The following DRC8 variants were observed in gnomAD, a reference collection of about 807,000 sequenced individuals.
DRC8 encodes dynein regulatory complex protein 8.
the DRC8 span, among the ~76,000 whole-genome samples, chr1:244,999,135 G>A: frequency 6.7e-6 from 1 of 150,124 alleles, no homozygotes; most frequent in Admixed American, 6.7e-5. Flanking sequence ...AGAAAAAGGA[G>A]GAAGTGGAGG....
At chr1:245,072,571 G>T in the DRC8 span, among the ~76,000 whole-genome samples, 1 of 152,198 alleles carries the variant, frequency 6.6e-6, no homozygotes, top group Non-Finnish European at 1.5e-5. Flanking sequence ...ACTACTCTGT[G>T]TGATACTATC....
At chr1:245,118,239 A>T in the DRC8 span, among the ~76,000 whole-genome samples, 8 of 152,156 alleles carry the variant, frequency 5.3e-5, no homozygotes, top group Non-Finnish European at 1.2e-4. Flanking sequence ...GCATTTTGAG[A>T]TTGAAATCGC....
At chr1:245,017,217 T>A in the DRC8 span, 1 of 1,579,064 alleles carries the variant, frequency 6.3e-7, no homozygotes, top group African/African-American at 1.4e-5. Context: ...AGTAAACTAA[T>A]TTTTATTTAC....
the DRC8 span, among the ~76,000 whole-genome samples, chr1:245,079,048 C>G: frequency 6.6e-6 from 1 of 152,104 alleles, no homozygotes; most frequent in Non-Finnish European, 1.5e-5. Context: ...ATATCTAAAA[C>G]TATTCTAAAA....
At chr1:245,123,111 T>A in the DRC8 span, 1 of 152,226 alleles carries the variant, frequency 6.6e-6, no homozygotes, top group African/African-American at 2.4e-5. The surrounding 1 kb of genome is among the most constrained non-coding windows in gnomAD (Gnocchi z 5.0). Flanking sequence ...AAAGCCTCAC[T>A]TTTTATTTGA....
At chr1:244,985,105 A>G in the DRC8 span, among the ~76,000 whole-genome samples, 1 of 123,252 alleles carries the variant, frequency 8.1e-6, no homozygotes. Context: ...TTTTCTGATT[A>G]CATGTGTGGT....
At chr1:245,029,537 A>C in the DRC8 span, among the ~76,000 whole-genome samples, 1 of 151,648 alleles carries the variant, frequency 6.6e-6, no homozygotes, top group African/African-American at 2.4e-5. Context: ...ACCTCAGGTC[A>C]TCTGCCCATC....
chr1:245,039,474 T>TA, the DRC8 span, among the ~76,000 whole-genome samples: 474 of 121,410 alleles, frequency 3.9e-3, 2 homozygotes, highest in Admixed American at 6.0e-3. Flanking sequence ...CGCTGCCTCT[T>TA]AAAAAAAAAA....
At chr1:245,097,086 A>G in the DRC8 span, among the ~76,000 whole-genome samples, 2 of 152,198 alleles carry the variant, frequency 1.3e-5, no homozygotes, top group Non-Finnish European at 2.9e-5. The surrounding 1 kb of genome is among the most constrained non-coding windows in gnomAD (Gnocchi z 5.0). Flanking sequence ...GGGTACAGGT[A>G]TTTATAGGAT....
chr1:244,996,258 T>C, the DRC8 span, among the ~76,000 whole-genome samples: 12 of 152,096 alleles, frequency 7.9e-5, no homozygotes, highest in African/African-American at 2.9e-4. Context: ...AGGCAGCTGG[T>C]TTCCCGCAGG....
At chr1:245,001,081 A>G in the DRC8 span, among the ~76,000 whole-genome samples, 1 of 152,190 alleles carries the variant, frequency 6.6e-6, no homozygotes, top group Non-Finnish European at 1.5e-5. Flanking sequence ...TGTTAAATAG[A>G]GTTATTAACA....
chr1:245,077,518 A>G, the DRC8 span, among the ~76,000 whole-genome samples: 26 of 152,230 alleles, frequency 1.7e-4, no homozygotes, highest in Non-Finnish European at 5.9e-5. Context: ...TACTGGCACA[A>G]AAACAGTCAT....
the DRC8 span, among the ~76,000 whole-genome samples, chr1:245,097,082 A>G: frequency 6.6e-6 from 1 of 152,192 alleles, no homozygotes; most frequent in East Asian, 1.9e-4. The surrounding 1 kb of genome is among the most constrained non-coding windows in gnomAD (Gnocchi z 5.0). Context: ...GGTTGGGTAC[A>G]GGTATTTATA....
the DRC8 span, among the ~76,000 whole-genome samples, chr1:245,086,089 T>G: frequency 1.4e-3 from 210 of 152,376 alleles, no homozygotes; most frequent in African/African-American, 4.5e-3. Flanking sequence ...ATGGTATGTT[T>G]ACAGAGAGTT....
At chr1:245,090,290 G>A in the DRC8 span, among the ~76,000 whole-genome samples, 2 of 152,220 alleles carry the variant, frequency 1.3e-5, no homozygotes, top group Admixed American at 1.3e-4. Flanking sequence ...AAGGGCAAGT[G>A]GCTGGTGTTG....
At chr1:245,020,886 T>C in the DRC8 span, among the ~76,000 whole-genome samples, 1 of 151,752 alleles carries the variant, frequency 6.6e-6, no homozygotes, top group Non-Finnish European at 1.5e-5. Context: ...CACCTTGGCC[T>C]CCCAAAGTGC....
chr1:245,032,993 A>C, the DRC8 span, among the ~76,000 whole-genome samples: 8 of 152,140 alleles, frequency 5.3e-5, no homozygotes, highest in Admixed American at 2.6e-4. Context: ...AAAAAAAAAA[A>C]AACAAAAACC....
the DRC8 span, among the ~76,000 whole-genome samples, chr1:245,103,845 A>G: frequency 6.6e-6 from 1 of 152,170 alleles, no homozygotes; most frequent in Admixed American, 6.5e-5. Context: ...GGAGTGGGCT[A>G]TGGCTGGAAA....
At chr1:245,092,813 C>T in the DRC8 span, among the ~76,000 whole-genome samples, 1 of 152,032 alleles carries the variant, frequency 6.6e-6, no homozygotes, top group Non-Finnish European at 1.5e-5. Context: ...GCTGAGCTTC[C>T]CCGGAGGTCG....
Sources: gnomAD v4.1 joint callset for allele counts (sites outside exome capture counted in the v4.1 genomes callset) on GRCh38, gnomAD v4.1.1 for gene constraint, Gnocchi (gnomAD v3.1) non-coding constraint, MANE v1.5 for transcripts, NCBI Gene and HGNC (gene_info 2026-07-23, HGNC 2026-07-21) for gene names.